Variants in NDRG2 observed in about 807,000 individuals in gnomAD.
NDRG2 encodes the protein NDRG family member 2.
Under a neutral mutation model 58.2 loss-of-function variants are expected in NDRG2, and 34 were observed. The observed-to-expected ratio is 0.58, with a 90% CI of 0.44 to 0.78. The LOEUF is 0.78. NDRG2 is among the 30% of genes least tolerant of loss of function. The pLI is 0.00. For missense variants in NDRG2, 434 were observed against 471.2 expected (o/e 0.92, Z 0.73); for synonymous variants, 187 against 175.9 (o/e 1.06, Z -0.50).
upstream of NDRG2, chr14:21,029,241 A>G (rs1883898759): frequency 1.3e-5 from 2 of 152,242 alleles, no homozygotes; most frequent in South Asian, 4.1e-4. Context: ...GCCTGTTTTC[A>G]TTAATCCGTT....
chr14:21,020,987 A>G (rs1311622103), intron 6 of NDRG2, 143 bp from the exon 7 acceptor site: 2 of 927,216 alleles, frequency 2.2e-6, no homozygotes, highest in African/African-American at 3.3e-5. Context: ...GGAGGACGCG[A>G]AAAAGAAGGG....
At chr14:21,022,318 CT>C (rs998920512) in intron 4 of NDRG2, 73 bp downstream of exon 4, 26 of 1,575,574 alleles carry the variant, frequency 1.7e-5, no homozygotes, top group Non-Finnish European at 2.3e-5. Flanking sequence ...CCTCCCCTCC[CT>C]CTGGGTTTCA....
intron 1 of NDRG2, among the ~76,000 whole-genome samples, chr14:21,068,901 G>A (rs903335759): frequency 2.6e-5 from 4 of 152,244 alleles, no homozygotes; most frequent in African/African-American, 9.6e-5. Context: ...CAGAGGAGGT[G>A]AGAGAAGAGC....
chr14:21,030,493 T>C (rs1007841816), upstream of NDRG2: 4 of 1,360,462 alleles, frequency 2.9e-6, no homozygotes, highest in African/African-American at 4.3e-5. Context: ...ACCATAACAC[T>C]CATCCTCATT....
chr14:21,025,049 TC>T lies in NDRG2; in HGVS notation c.-1027del, dbSNP rs1432324074. 26 of 985,786 alleles carry T rather than the reference TC, an allele frequency of 2.6e-5. No individual in the cohort carries two copies. The highest frequency in any genetic ancestry group is 3.1e-5 in the Non-Finnish European group (26 of 830,496). The allele number at this position is 985,786 out of a possible 1,614,324, so 61.1% of individuals were successfully genotyped here. A position where few individuals can be genotyped will look rare whatever the true frequency, so the allele number is the denominator to read the frequency against. On this transcript the variant is annotated 5_prime_UTR_variant, in exon 1 of 16. Transcript: ENST00000556147. The surrounding 1 kb of genome is among the most constrained non-coding windows in gnomAD (Gnocchi z 5.1). ...CCTACCTGCTGCCGCCGCGGCCGCT[TC>T]CACCTTCACTTGCCTTTGACTCGGG...
At chr14:21,052,070 T>G (rs1038050433) in intron 1 of NDRG2, among the ~76,000 whole-genome samples, 2 of 152,228 alleles carry the variant, frequency 1.3e-5, no homozygotes, top group East Asian at 3.8e-4. Context: ...ATGTTTTTTC[T>G]TGTGTCACAC....
chr14:21,040,055 A>T (rs1317282253), intron 1 of NDRG2, among the ~76,000 whole-genome samples: 3 of 152,180 alleles, frequency 2.0e-5, no homozygotes, highest in Admixed American at 1.3e-4. Context: ...TTTGATACAC[A>T]GCCTGGTTTA....
intron 1 of NDRG2, among the ~76,000 whole-genome samples, chr14:21,041,820 G>C (rs1884909496): frequency 6.6e-6 from 1 of 152,184 alleles, no homozygotes; most frequent in African/African-American, 2.4e-5. Flanking sequence ...GAATGGCTTC[G>C]CTATTGGGGA....
chr14:21,021,556 G>A, intron 6 of NDRG2: 1 of 494,124 alleles, frequency 2.0e-6, no homozygotes, highest in Non-Finnish European at 3.6e-6. Context: ...TCTGATCAGA[G>A]AAGGCCCTCC....
At chr14:21,040,953 C>A (rs770586298) in intron 1 of NDRG2, among the ~76,000 whole-genome samples, 1 of 150,612 alleles carries the variant, frequency 6.6e-6, no homozygotes, top group Non-Finnish European at 1.5e-5. Flanking sequence ...TCTACAAAGG[C>A]AGGGACTTTT....
At chr14:21,066,340 A>G (rs1055195733) in intron 1 of NDRG2, among the ~76,000 whole-genome samples, 20 of 146,828 alleles carry the variant, frequency 1.4e-4, no homozygotes, top group African/African-American at 5.0e-4. Flanking sequence ...TTTTTTTTGG[A>G]GACGGAGTCT....
intron 6 of NDRG2, chr14:21,021,486 G>T (rs1343051790): frequency 1.1e-5 from 4 of 350,052 alleles, no homozygotes; most frequent in Non-Finnish European, 1.6e-5. Flanking sequence ...GGGAGAGAAA[G>T]AGACAGGTCT....
At chr14:21,035,055 G>C (rs937460664) in intron 1 of NDRG2, among the ~76,000 whole-genome samples, 2 of 152,216 alleles carry the variant, frequency 1.3e-5, no homozygotes, top group African/African-American at 2.4e-5. Context: ...CTGACCCTCA[G>C]AGAACAGAGC....
In NDRG2 at chr14:21,025,032, C is replaced by A; in HGVS notation, c.-1009G>T. On this transcript the variant is annotated 5_prime_UTR_variant, in exon 1 of 16. Transcript: ENST00000556147. The surrounding 1 kb of genome is among the most constrained non-coding windows in gnomAD (Gnocchi z 5.1). Reference sequence around the variant, plus strand: ...CCTCGCCTGCCCCTCCCCCTACCTGCTGCCGCCGCGGCCGCTTCCACCTTC... The same window carrying A: ...CCTCGCCTGCCCCTCCCCCTACCTGATGCCGCCGCGGCCGCTTCCACCTTC... 1.0e-6 allele frequency: 1 copy of A among 986,068 alleles called. No homozygotes were observed. Among genetic ancestry groups the A allele is most frequent in the Non-Finnish European group, 1.2e-6 (1 of 830,460 alleles). The allele number at this position is 986,068 out of a possible 1,614,324, so 61.1% of individuals were successfully genotyped here.
At chr14:21,019,401 A>T (rs1878808031) in intron 10 of NDRG2, among the ~76,000 whole-genome samples, 1 of 152,168 alleles carries the variant, frequency 6.6e-6, no homozygotes. Flanking sequence ...AGGACACAAG[A>T]TCATCTTACT....
At chr14:21,049,426 C>A (rs1885364047) in intron 1 of NDRG2, among the ~76,000 whole-genome samples, 1 of 152,178 alleles carries the variant, frequency 6.6e-6, no homozygotes, top group South Asian at 2.1e-4. Flanking sequence ...GTTGAACTTA[C>A]ACATTTAAAA....
upstream of NDRG2, chr14:21,025,183 C>A (rs1251216210): frequency 4.5e-6 from 4 of 886,296 alleles, no homozygotes; most frequent in East Asian, 4.8e-4. This position sits in a 1 kb window ranked among gnomAD's most constrained non-coding sequence, Gnocchi z 5.1. Flanking sequence ...AAACACGCCC[C>A]CCCTTTCACC....
At chr14:21,036,773 C>G (rs1354035624) in intron 1 of NDRG2, among the ~76,000 whole-genome samples, 1 of 152,240 alleles carries the variant, frequency 6.6e-6, no homozygotes, top group African/African-American at 2.4e-5. Flanking sequence ...AAGACTCAAC[C>G]CAGAGGTCCC....
upstream of NDRG2, among the ~76,000 whole-genome samples, chr14:21,029,665 C>T (rs1489678623): frequency 6.6e-6 from 1 of 152,076 alleles, no homozygotes; most frequent in Non-Finnish European, 1.5e-5. Context: ...GGAGATGGGG[C>T]ATTTTGGGGG....
Sources: allele counts gnomAD v4.1 joint callset (sites outside exome capture counted in the v4.1 genomes callset), GRCh38; gene constraint gnomAD v4.1.1; non-coding constraint Gnocchi (gnomAD v3.1); transcripts MANE v1.5; gene names NCBI Gene and HGNC (gene_info 2026-07-23, HGNC 2026-07-21).